Variants in RGS7 observed in about 807,000 individuals in gnomAD.
RGS7 encodes regulator of G protein signaling 7.
Under a neutral mutation model 81.1 loss-of-function variants are expected in RGS7, and 27 were observed. The ratio of observed to expected loss-of-function variants is 0.33; its 90% CI spans 0.25 to 0.46. RGS7 has a LOEUF of 0.46. RGS7 is among the 20% of genes least tolerant of loss of function. The pLI is 1.00. For synonymous variants in RGS7, 208 were observed against 207.7 expected (o/e 1.00, Z -0.01); for missense variants, 396 against 607.4 (o/e 0.65, Z 3.66).
At chr1:241,089,177 C>G (rs2063711942) in intron 3 of RGS7, among the ~76,000 whole-genome samples, 1 of 146,298 alleles carries the variant, frequency 6.8e-6, no homozygotes, top group Non-Finnish European at 1.5e-5. Context: ...GAGGAAAAAG[C>G]AGAGCAGGGA....
intron 2 of RGS7, among the ~76,000 whole-genome samples, chr1:241,333,373 A>G (rs762015485): frequency 3.9e-5 from 6 of 152,176 alleles, no homozygotes; most frequent in Non-Finnish European, 7.4e-5. Context: ...TCCAATTTTT[A>G]TTTCAAGTCT....
intron 5 of RGS7, among the ~76,000 whole-genome samples, chr1:240,933,048 A>AT (rs1558487319): frequency 7.2e-6 from 1 of 139,402 alleles, no homozygotes; most frequent in East Asian, 2.2e-4. Flanking sequence ...ACGCCCGGCT[A>AT]ATTTTTTGTA....
At chr1:241,250,465 G>T (rs1188536019) in intron 2 of RGS7, among the ~76,000 whole-genome samples, 1 of 151,384 alleles carries the variant, frequency 6.6e-6, no homozygotes, top group East Asian at 1.9e-4. Context: ...AATATTGTGG[G>T]ATTTTTTTTT....
At chr1:241,028,421 C>T (rs1180825765) in intron 3 of RGS7, among the ~76,000 whole-genome samples, 1 of 152,138 alleles carries the variant, frequency 6.6e-6, no homozygotes, top group African/African-American at 2.4e-5. Flanking sequence ...TTTACTGTTG[C>T]AATGGTATTA....
chr1:241,003,498 A>G (rs1213311981), intron 3 of RGS7, among the ~76,000 whole-genome samples: 1 of 151,634 alleles, frequency 6.6e-6, no homozygotes, highest in African/African-American at 2.4e-5. Flanking sequence ...GTGCCAATAC[A>G]ATGGATATCA....
At chr1:241,200,498 C>T (rs962828039) in intron 2 of RGS7, among the ~76,000 whole-genome samples, 1 of 152,130 alleles carries the variant, frequency 6.6e-6, no homozygotes, top group African/African-American at 2.4e-5. Context: ...AACCCAGATG[C>T]TAATTCTGGC....
intron 3 of RGS7, among the ~76,000 whole-genome samples, chr1:241,074,046 A>C (rs560238287): frequency 1.3e-5 from 2 of 151,972 alleles, no homozygotes; most frequent in Non-Finnish European, 2.9e-5. Context: ...GATTACAGGC[A>C]TGTGCCACCA....
At chr1:241,167,224 G>A (rs1322983770) in intron 2 of RGS7, among the ~76,000 whole-genome samples, 1 of 152,198 alleles carries the variant, frequency 6.6e-6, no homozygotes, top group Non-Finnish European at 1.5e-5. Flanking sequence ...TTGGGAGCAG[G>A]TGAGTGTGTT....
intron 2 of RGS7, among the ~76,000 whole-genome samples, chr1:241,239,151 G>T (rs890560091): frequency 6.6e-6 from 1 of 151,678 alleles, no homozygotes; most frequent in Non-Finnish European, 1.5e-5. Flanking sequence ...TGTATTTTTA[G>T]TAGAGACGGG....
intron 2 of RGS7, among the ~76,000 whole-genome samples, chr1:241,251,604 G>C (rs1044328822): frequency 4.0e-5 from 6 of 151,790 alleles, no homozygotes; most frequent in African/African-American, 1.5e-4. Flanking sequence ...CCTTCTCCCA[G>C]GTTCAAGCAA....
At chr1:241,120,761 G>C (rs1351373766) in intron 2 of RGS7, among the ~76,000 whole-genome samples, 3 of 152,062 alleles carry the variant, frequency 2.0e-5, no homozygotes, top group Admixed American at 1.3e-4. Context: ...TCTAGATAGA[G>C]AGGAAAATAG....
At chr1:241,343,249 G>A (rs898205512) in intron 2 of RGS7, among the ~76,000 whole-genome samples, 16 of 129,828 alleles carry the variant, frequency 1.2e-4, no homozygotes, top group East Asian at 2.3e-4. Flanking sequence ...GCGACAGAGC[G>A]AGACTGTGTC....
intron 6 of RGS7, among the ~76,000 whole-genome samples, chr1:240,883,265 G>C (rs1004850277): frequency 2.6e-5 from 4 of 151,892 alleles, no homozygotes; most frequent in Admixed American, 1.3e-4. Flanking sequence ...CACCAACATG[G>C]CACATGTATA....
chr1:241,197,201 G>T (rs1348377897), intron 2 of RGS7, among the ~76,000 whole-genome samples: 4 of 150,712 alleles, frequency 2.7e-5, no homozygotes, highest in Non-Finnish European at 5.9e-5. Flanking sequence ...TAAAAAAGTT[G>T]AAACTAAAAA....
At chr1:240,872,942 G>T (rs1664749669) in intron 6 of RGS7, among the ~76,000 whole-genome samples, 1 of 152,112 alleles carries the variant, frequency 6.6e-6, no homozygotes, top group African/African-American at 2.4e-5. Context: ...AGCCAAGCAT[G>T]GTGGCAGGCG....
At chr1:241,114,234 C>T (rs1367171703) in intron 2 of RGS7, among the ~76,000 whole-genome samples, 1 of 152,106 alleles carries the variant, frequency 6.6e-6, no homozygotes, top group African/African-American at 2.4e-5. Context: ...CTGGACAAAC[C>T]AGAGAAAGCT....
chr1:241,206,593 A>G (rs1438499511), intron 2 of RGS7, among the ~76,000 whole-genome samples: 1 of 152,162 alleles, frequency 6.6e-6, no homozygotes, highest in Non-Finnish European at 1.5e-5. Flanking sequence ...TTTGGCATAC[A>G]ACGTGAGAAG....
intron 6 of RGS7, among the ~76,000 whole-genome samples, chr1:240,874,868 C>T (rs1665101692): frequency 6.6e-6 from 1 of 152,020 alleles, no homozygotes. Context: ...TGGTGAAACC[C>T]TATCTCTACT....
At chr1:240,845,416 T>C (rs1296684205) in intron 9 of RGS7, among the ~76,000 whole-genome samples, 1 of 152,168 alleles carries the variant, frequency 6.6e-6, no homozygotes, top group Non-Finnish European at 1.5e-5. Flanking sequence ...TAAAAACTAG[T>C]TAACATGCAC....
Sources: gnomAD v4.1 joint callset for allele counts (sites outside exome capture counted in the v4.1 genomes callset) on GRCh38, gnomAD v4.1.1 for gene constraint, MANE v1.5 for transcripts, NCBI Gene and HGNC (gene_info 2026-07-23, HGNC 2026-07-21) for gene names.